Variants in SHISA6 observed in about 807,000 individuals in gnomAD.
SHISA6 encodes the protein protein shisa-6.
A neutral mutation model predicts 47.9 loss-of-function variants in SHISA6; 22 were observed. The observed-to-expected ratio is 0.46, with a 90% CI of 0.33 to 0.66. The LOEUF (loss-of-function observed/expected upper bound fraction) is 0.66. SHISA6 is among the 30% of genes least tolerant of loss of function. The pLI, the probability that SHISA6 is intolerant of heterozygous loss-of-function variation, is 0.02. For synonymous variants in SHISA6, 388 were observed against 337.8 expected (o/e 1.15, Z -1.63); for missense variants, 680 against 764.6 (o/e 0.89, Z 1.30).
At chr17:11,434,000 C>T (rs893906539) in intron 3 of SHISA6, among the ~76,000 whole-genome samples, 1 of 151,890 alleles carries the variant, frequency 6.6e-6, no homozygotes, top group Non-Finnish European at 1.5e-5. Flanking sequence ...CGCAGCATGC[C>T]CAGAACCACA....
At chr17:11,520,111 C>G (rs1376985195) in intron 3 of SHISA6, among the ~76,000 whole-genome samples, 1 of 152,106 alleles carries the variant, frequency 6.6e-6, no homozygotes, top group Admixed American at 6.5e-5. Context: ...AATTACATCT[C>G]GAGCCTCGAC....
chr17:11,423,316 G>A (rs928812200), intron 3 of SHISA6, among the ~76,000 whole-genome samples: 1 of 133,240 alleles, frequency 7.5e-6, no homozygotes, highest in African/African-American at 2.8e-5. Context: ...ATATATGCCT[G>A]TAACATATAT....
chr17:11,517,179 T>G (rs2071592782), intron 3 of SHISA6, among the ~76,000 whole-genome samples: 1 of 152,200 alleles, frequency 6.6e-6, no homozygotes, highest in South Asian at 2.1e-4. Flanking sequence ...GAGACAGGTC[T>G]ATGCTTTTCT....
chr17:11,321,196 G>A (rs1910707834), intron 2 of SHISA6, among the ~76,000 whole-genome samples: 2 of 152,150 alleles, frequency 1.3e-5, no homozygotes, highest in Admixed American at 1.3e-4. Context: ...TTATAGTTGA[G>A]GTAGGGTTAA....
chr17:11,286,530 C>T (rs984674870), intron 2 of SHISA6, among the ~76,000 whole-genome samples: 11 of 152,140 alleles, frequency 7.2e-5, no homozygotes, highest in Non-Finnish European at 4.4e-5. Context: ...TCATTCTGCC[C>T]TTGACCCAAG....
intron 3 of SHISA6, among the ~76,000 whole-genome samples, chr17:11,457,445 A>G (rs1243466998): frequency 6.6e-6 from 1 of 152,164 alleles, no homozygotes; most frequent in Non-Finnish European, 1.5e-5. Flanking sequence ...AAGGTAGATG[A>G]GATAGGCCGG....
chr17:11,297,614 G>A (rs908125691), intron 2 of SHISA6, among the ~76,000 whole-genome samples: 1 of 152,164 alleles, frequency 6.6e-6, no homozygotes, highest in Non-Finnish European at 1.5e-5. Context: ...CCAGAATCTG[G>A]CCACATGGTC....
intron 3 of SHISA6, among the ~76,000 whole-genome samples, chr17:11,476,686 C>T (rs1008233566): frequency 2.0e-5 from 3 of 151,756 alleles, no homozygotes; most frequent in African/African-American, 7.3e-5. Flanking sequence ...AGAATATGGT[C>T]TATCTTGGTG....
At chr17:11,442,736 C>T (rs1353101763) in intron 3 of SHISA6, among the ~76,000 whole-genome samples, 1 of 152,134 alleles carries the variant, frequency 6.6e-6, no homozygotes, top group African/African-American at 2.4e-5. Flanking sequence ...ATAAAGCTCT[C>T]ACTACCTGTG....
Position 11,264,425 on chromosome 17 carries a change from T to G in SHISA6, c.799+899T>G, listed in dbSNP as rs1908350735. On this transcript the variant is annotated intron_variant, in intron 2 of 5. Coordinates refer to ENST00000441885, the MANE Select transcript of SHISA6 (RefSeq NM_207386.4). ...AGCCAAGGCAAATAGTTAACAACAG[T>G]AAGAACTAGGAAACCGTAATATCCT... 3.9e-5 allele frequency among the ~76,000 whole-genome samples: 6 copies of G among 152,308 alleles called. 1 individual carries two copies. The South Asian group carries it at 1.2e-3, about 32-fold the overall frequency.
intron 3 of SHISA6, among the ~76,000 whole-genome samples, chr17:11,414,270 C>T (rs1420989128): frequency 6.6e-6 from 1 of 152,200 alleles, no homozygotes; most frequent in Non-Finnish European, 1.5e-5. Context: ...TTGGGACACA[C>T]CACTTTGCAG....
chr17:11,555,928 T>C lies in SHISA6; in HGVS notation c.1105+36T>C, dbSNP rs763473157. The C allele has an allele frequency of 1.3e-5, 19 of 1,485,742 alleles. No individual in the cohort carries two copies. The South Asian group carries it at 2.6e-4, about 20-fold the overall frequency. 92.0% of individuals were successfully genotyped at this position (1,485,742 alleles called of 1,614,324 possible). On this transcript the variant is annotated intron_variant, in intron 5 of 5. Coordinates refer to ENST00000441885, the MANE Select transcript of SHISA6 (RefSeq NM_207386.4). The stretch of plus-strand genomic sequence containing the variant: ...TTTCCCCCAAGTTGGGGTCTGTCTC[T>C]GGGGCTCCAAGATATCTTCCTATGT...
chr17:11,241,598 A>G lies in SHISA6; in HGVS notation c.176A>G (p.Asn59Ser). The change falls in exon 1 of 6, where the codon AAC becomes AGC. Residue 59 changes from asparagine (N) to serine (S), a missense_variant. Physicochemically the swap from Asn to Ser is conservative, Grantham distance 46. Coordinates refer to ENST00000441885, the MANE Select transcript of SHISA6 (RefSeq NM_207386.4). This position sits in a 1 kb window ranked among gnomAD's most constrained non-coding sequence, Gnocchi z 5.5. ...GALARGGREL[N>S]GTARAPGIPE... Reference sequence around the variant, plus strand: ...CTGGCACGGGGCGGCCGCGAGCTGAACGGCACCGCCCGGGCGCCCGGAATC... The same window carrying G: ...CTGGCACGGGGCGGCCGCGAGCTGAGCGGCACCGCCCGGGCGCCCGGAATC... 1 of 1,255,100 alleles carries G rather than the reference A, an allele frequency of 8.0e-7. No homozygotes were observed. The highest frequency in any genetic ancestry group is 3.6e-5 in the East Asian group (1 of 27,528). 77.7% of individuals were successfully genotyped at this position (1,255,100 alleles called of 1,614,324 possible).
At chr17:11,405,007 C>T (rs16944667) in intron 3 of SHISA6, among the ~76,000 whole-genome samples, 1,610 of 152,152 alleles carry the variant, frequency 0.011, 21 homozygotes, top group African/African-American at 0.036. Flanking sequence ...CATCTTGGGC[C>T]CTCTGTTCAA....
In SHISA6 at chr17:11,545,676, T is replaced by C. The variant is rs1017939536; in HGVS notation, c.896-6220T>C. On this transcript the variant is annotated intron_variant, in intron 3 of 5. Transcript: ENST00000441885. Reference sequence around the variant, plus strand: ...TGACTTGGGCCAAGTTCAATAGAGATGGCTCATCTCCATTCCAGTTGTTTC... The same window carrying C: ...TGACTTGGGCCAAGTTCAATAGAGACGGCTCATCTCCATTCCAGTTGTTTC... 2.0e-5 allele frequency among the ~76,000 whole-genome samples: 3 copies of C among 152,218 alleles called. No individual in the cohort carries two copies. The East Asian group carries it at 5.8e-4, about 29-fold the overall frequency.
At chr17:11,252,983 A>G (rs1192704970) in intron 1 of SHISA6, among the ~76,000 whole-genome samples, 1 of 152,252 alleles carries the variant, frequency 6.6e-6, no homozygotes, top group Non-Finnish European at 1.5e-5. Context: ...TTCAGTGCTC[A>G]GATAATCAAC....
chr17:11,412,570 C>T (rs926062482), intron 3 of SHISA6, among the ~76,000 whole-genome samples: 1 of 151,182 alleles, frequency 6.6e-6, no homozygotes, highest in Admixed American at 6.6e-5. Context: ...GAGACAGAGT[C>T]TCACTCTGTC....
chr17:11,303,018 C>T (rs540513754), intron 2 of SHISA6, among the ~76,000 whole-genome samples: 2 of 152,154 alleles, frequency 1.3e-5, no homozygotes, highest in Non-Finnish European at 2.9e-5. Context: ...GAAAGAAAGA[C>T]GTCTGACTGA....
At chr17:11,356,991 T>C (rs1912097597) in intron 2 of SHISA6, among the ~76,000 whole-genome samples, 2 of 151,728 alleles carry the variant, frequency 1.3e-5, no homozygotes, top group African/African-American at 2.4e-5. Context: ...GCCAACATCG[T>C]GAAATCCTGT....
Sources: allele counts gnomAD v4.1 joint callset (sites outside exome capture counted in the v4.1 genomes callset), GRCh38; gene constraint gnomAD v4.1.1; non-coding constraint Gnocchi (gnomAD v3.1); transcripts MANE v1.5; gene names NCBI Gene and HGNC (gene_info 2026-07-23, HGNC 2026-07-21).